Variants in DOP1A observed in about 807,000 individuals in gnomAD.
DOP1A encodes the protein protein DOP1A.
In DOP1A, 90 loss-of-function variants were observed where a neutral mutation model predicts 267.6. The ratio of observed to expected loss-of-function variants is 0.34; its 90% CI spans 0.28 to 0.40. The LOEUF (loss-of-function observed/expected upper bound fraction) is 0.40. Ranked by LOEUF, DOP1A falls within the 10% of genes least tolerant of loss-of-function variation. The pLI is 1.00. For missense variants in DOP1A, 2,437 were observed against 2,900.4 expected (o/e 0.84, Z 3.67); for synonymous variants, 932 against 999.1 (o/e 0.93, Z 1.27).
chr6:83,070,755 T>C (rs1442336900), intron 1 of DOP1A, among the ~76,000 whole-genome samples: 1 of 152,158 alleles, frequency 6.6e-6, no homozygotes, highest in Non-Finnish European at 1.5e-5. Context: ...TTCTCTGTTC[T>C]TTGTGGTGGC....
chr6:83,120,103 G>C (rs931081989), intron 9 of DOP1A, among the ~76,000 whole-genome samples: 1 of 151,886 alleles, frequency 6.6e-6, no homozygotes, highest in Non-Finnish European at 1.5e-5. Flanking sequence ...TTAAAACATA[G>C]TTGTAGCTTC....
intron 37 of DOP1A, among the ~76,000 whole-genome samples, chr6:83,162,208 T>C (rs989449697): frequency 3.9e-5 from 6 of 152,130 alleles, no homozygotes; most frequent in Non-Finnish European, 8.8e-5. Context: ...TTCTTTGGTA[T>C]GCCCATTTAT....
Position 83,162,881 on chromosome 6 carries a change from G to C in DOP1A, c.7054G>C (p.Val2352Leu). 6.2e-7 allele frequency: 1 copy of C among 1,613,164 alleles called. No individual in the cohort carries two copies. The highest frequency in any genetic ancestry group is 8.5e-7 in the Non-Finnish European group (1 of 1,179,398). The change falls in exon 38 of 39, where the codon GTG (valine) becomes CTG (leucine). Residue 2352 changes from valine to leucine, a missense_variant. By Grantham distance (32) the Val-to-Leu change is conservative. Around this residue, in one of 9 missense-constraint regions of DOP1A, gnomAD observed 197 missense variants for 246.5 expected, o/e 0.80. Coordinates refer to ENST00000349129, the MANE Select transcript of DOP1A (RefSeq NM_015018.4). The part of the protein sequence containing the change: ...GIHQREFKPY[V>L]VRLAKLLRKR... ...ACATCAACGAGAATTTAAACCTTAC[G>C]TGGTACGACTAGCAAAACTTCTTCG... is the stretch of plus-strand genomic sequence containing the variant.
In DOP1A at chr6:83,086,898, T is replaced by C. The variant is rs1421096840; in HGVS notation, c.-146-9833T>C. 2.0e-5 allele frequency among the ~76,000 whole-genome samples: 3 copies of C among 152,108 alleles called. No homozygotes were observed. In the East Asian group the frequency reaches 5.8e-4, roughly 29 times the overall value. On this transcript the variant is annotated intron_variant, in intron 1 of 38. Coordinates refer to ENST00000349129, the MANE Select transcript of DOP1A (RefSeq NM_015018.4). ...GCCTGTGGGGGTCAAGGAAAGGCTA[T>C]GGGTTTTAATTTTAGTTTTAGTTTT...
At chr6:83,100,656 G>T (rs767388572) in intron 3 of DOP1A, 49 bp from the exon 4 acceptor site, 2 of 1,261,504 alleles carry the variant, frequency 1.6e-6, no homozygotes, top group Non-Finnish European at 2.1e-6. Context: ...GAAGTAAAAT[G>T]AATGCAATAT....
chr6:83,169,417 G>A (rs957073659), downstream of DOP1A: 88 of 1,416,258 alleles, frequency 6.2e-5, no homozygotes, highest in Non-Finnish European at 8.3e-5. Context: ...GGGAAGAGAG[G>A]GGTGATTCTT....
rs550578435 is a variant in DOP1A, at chr6:83,085,087, A to C, written c.-146-11644A>C. ...ATGTGAATGTATTCTGTATTTGAGG[A>C]GAGTAAGGTCAAGTGTGACTATACT... is the stretch of plus-strand genomic sequence containing the variant. On this transcript the variant is annotated intron_variant, in intron 1 of 38. Transcript: ENST00000349129. 3.3e-5 allele frequency among the ~76,000 whole-genome samples: 5 copies of C among 152,314 alleles called. No homozygotes were observed. The South Asian group carries it at 1.0e-3, about 32-fold the overall frequency.
chr6:83,096,653 T>G (rs1450362275), intron 1 of DOP1A, 78 bp from the exon 2 acceptor site: 7 of 410,350 alleles, frequency 1.7e-5, no homozygotes. Flanking sequence ...ATAACATGAT[T>G]CTAAATTGAA....
chr6:83,103,642 A>G (rs1035649062), intron 4 of DOP1A, among the ~76,000 whole-genome samples: 30 of 152,018 alleles, frequency 2.0e-4, no homozygotes, highest in African/African-American at 7.2e-4. Flanking sequence ...CATATTTTCT[A>G]ACTTTTTGTC....
At chr6:83,104,336 A>G (rs1319627097) in intron 4 of DOP1A, among the ~76,000 whole-genome samples, 2 of 152,120 alleles carry the variant, frequency 1.3e-5, no homozygotes, top group Non-Finnish European at 2.9e-5. Context: ...AGGGGCAAGT[A>G]TATCTTTGTC....
intron 33 of DOP1A, among the ~76,000 whole-genome samples, chr6:83,155,018 C>A (rs911896000): frequency 6.6e-6 from 1 of 152,070 alleles, no homozygotes; most frequent in African/African-American, 2.4e-5. Flanking sequence ...ATTGCGCTAA[C>A]CTTAATCAAA....
At position 83,162,046 on chromosome 6, in the gene DOP1A, C is replaced by G. The variant is rs369435239; in HGVS notation, c.6963-744C>G. On this transcript the variant is annotated intron_variant, in intron 37 of 38. Transcript: ENST00000349129. ...AATAAATTATATCAAAAATATATAT[C>G]CTACATGTATAATTAAAACAGGCAG... 7.2e-3 allele frequency among the ~76,000 whole-genome samples: 1,093 copies of G among 152,050 alleles called. 15 individuals carry two copies. The highest frequency in any genetic ancestry group is 0.025 in the African/African-American group (1,043 of 41,464).
In DOP1A at chr6:83,139,000, C is replaced by T; in HGVS notation, c.4958C>T (p.Ala1653Val). 2 of 1,614,100 alleles carry T rather than the reference C, an allele frequency of 1.2e-6. No homozygotes were observed. The highest frequency in any genetic ancestry group is 1.7e-6 in the Non-Finnish European group (2 of 1,179,964). Reference sequence around the variant, plus strand: ...ATACGAGCTTTGCATCAGCACTGTGCATGTAAGATGCACCCACAATGGATT... The same window carrying T: ...ATACGAGCTTTGCATCAGCACTGTGTATGTAAGATGCACCCACAATGGATT... ...AVIRALHQHCACKMHPQWIGL... is the reference protein window; with the variant it reads ...AVIRALHQHCVCKMHPQWIGL... The change falls in exon 21 of 39, where the codon GCA becomes GTA. Residue 1653 changes from alanine to valine, a missense_variant. Coordinates refer to ENST00000349129, the MANE Select transcript of DOP1A (RefSeq NM_015018.4).
intron 1 of DOP1A, among the ~76,000 whole-genome samples, chr6:83,089,498 C>T (rs930475590): frequency 2.6e-5 from 4 of 152,028 alleles, no homozygotes; most frequent in Admixed American, 6.6e-5. Context: ...TGTTTCATGA[C>T]AATTCAGGTC....
chr6:83,140,469 A>G (rs959225309), intron 23 of DOP1A, 66 bp downstream of exon 23: 36 of 1,248,906 alleles, frequency 2.9e-5, no homozygotes, highest in African/African-American at 7.5e-5. Flanking sequence ...GATTATATTC[A>G]GAATATGTGA....
chr6:83,152,218 AC>A, intron 29 of DOP1A, 69 bp from the exon 30 acceptor site: 1 of 826,788 alleles, frequency 1.2e-6, no homozygotes. Flanking sequence ...TAATACACAC[AC>A]ACACACACAC....
intron 1 of DOP1A, among the ~76,000 whole-genome samples, chr6:83,077,153 T>G (rs1562266017): frequency 6.6e-6 from 1 of 152,160 alleles, no homozygotes; most frequent in Non-Finnish European, 1.5e-5. Flanking sequence ...GGAGATTGGT[T>G]GCACAATAAT....
In DOP1A at chr6:83,137,969, C is replaced by G; in HGVS notation, c.3927C>G (p.Asp1309Glu). The change falls in exon 21 of 39, where the codon GAC (aspartate) becomes GAG (glutamate). Residue 1309 changes from aspartate to glutamate, a missense_variant. Physicochemically the swap from Asp to Glu is conservative, Grantham distance 45 (BLOSUM62 2). This residue lies in a region of DOP1A where 878 missense variants were observed against 992.9 expected (regional missense o/e 0.88). Coordinates refer to ENST00000349129, the MANE Select transcript of DOP1A (RefSeq NM_015018.4). ...KVKLARKKDD[D>E]KKKSSNEKLK... The stretch of plus-strand genomic sequence containing the variant: ...AACTTGCCAGAAAAAAGGATGATGA[C>G]AAGAAAAAATCTTCAAATGAAAAAC... 6.2e-7 allele frequency: 1 copy of G among 1,604,496 alleles called. No individual in the cohort carries two copies.
intron 24 of DOP1A, 102 bp downstream of exon 24, chr6:83,142,148 T>C (rs944578901): frequency 7.2e-7 from 1 of 1,389,670 alleles, no homozygotes; most frequent in Non-Finnish European, 9.8e-7. Context: ...TAGATTCGAG[T>C]GTAAAGCAAA....
Sources: gnomAD v4.1 joint callset for allele counts (sites outside exome capture counted in the v4.1 genomes callset) on GRCh38, gnomAD v4.1.1 for gene constraint, gnomAD v4.1.1 regional missense constraint, MANE v1.5 for transcripts, NCBI Gene and HGNC (gene_info 2026-07-23, HGNC 2026-07-21) for gene names.